FBXL8: variants seen among roughly 807,000 people sequenced by gnomAD.
The protein encoded by FBXL8 is F-box and leucine rich repeat protein 8.
Under a neutral mutation model 8.2 loss-of-function variants are expected in FBXL8, and 13 were observed. That is an observed-to-expected ratio of 1.58 (90% CI 1.03 to 2.51). FBXL8 has a LOEUF of 2.51. FBXL8 is among the 30% of genes most tolerant of loss of function. The probability of loss-of-function intolerance (pLI) is 0.00; values close to 1 mark genes in which losing one functional copy is unlikely to be tolerated. For synonymous variants in FBXL8, 271 were observed against 260.5 expected (o/e 1.04, Z -0.39); for missense variants, 565 against 540.4 (o/e 1.05, Z -0.45).
Position 67,163,442 on chromosome 16 carries a change from C to A in FBXL8, c.747C>A (p.His249Gln). The A allele has an allele frequency of 6.5e-7, 1 of 1,536,200 alleles. No homozygotes were observed. The highest frequency in any genetic ancestry group is 1.2e-5 in the South Asian group (1 of 84,578). The change falls in exon 3 of 3, where the codon CAC becomes CAA. Residue 249 changes from histidine (H) to glutamine (Q), a missense_variant. Physicochemically the swap from His to Gln is conservative, Grantham distance 24. Coordinates refer to ENST00000258200, the MANE Select transcript of FBXL8 (RefSeq NM_018378.3). Reference sequence around the variant, plus strand: ...CCTGGGTCGCGTTGCGCCGCCGCCACCCTGGGCTGGCAGTGGAGCTGGAGC... The same window carrying A: ...CCTGGGTCGCGTTGCGCCGCCGCCAACCTGGGCTGGCAGTGGAGCTGGAGC... ...NEAWVALRRRHPGLAVELELE... is the reference protein window; with the variant it reads ...NEAWVALRRRQPGLAVELELE...
At chr16:67,162,286 A>G (rs2030940935) in intron 2 of FBXL8, 4 of 420,054 alleles carry the variant, frequency 9.5e-6, no homozygotes, top group African/African-American at 8.0e-5. Context: ...CCGAGATGGC[A>G]CCACTGCACT....
chr16:67,163,987 C>T lies in FBXL8; in HGVS notation c.*167C>T. 1.0e-6 allele frequency: 1 copy of T among 988,556 alleles called. No individual in the cohort carries two copies. The highest frequency in any genetic ancestry group is 1.5e-6 in the Non-Finnish European group (1 of 648,804). The allele number at this position is 988,556 out of a possible 1,614,324, so 61.2% of individuals were successfully genotyped here. ...GGCATCGGGACCAGTCCTGGGCGCC[C>T]TGAGACCACTCGCTGCTCTCACCCT... On this transcript the variant is annotated 3_prime_UTR_variant, in exon 3 of 3. Coordinates refer to ENST00000258200, the MANE Select transcript of FBXL8 (RefSeq NM_018378.3).
Position 67,163,672 on chromosome 16 carries a change from G to T in FBXL8, c.977G>T (p.Arg326Leu), listed in dbSNP as rs756872680. Residue 326 changes from arginine to leucine, a missense_variant, in exon 3 of 3, where the codon CGC becomes CTC. By Grantham distance (102) the Arg-to-Leu change is moderately radical. Transcript: ENST00000258200. ...LNAALEELAA[R>L]CAALREVHCF... ...GCCGCGCTGGAGGAGCTGGCGGCGC[G>T]CTGCGCGGCCCTGCGCGAGGTGCAT... 5 of 1,576,324 alleles carry T rather than the reference G, an allele frequency of 3.2e-6. No individual in the cohort carries two copies. In the Admixed American group the frequency reaches 7.0e-5, roughly 22 times the overall value.
Position 67,163,000 on chromosome 16 carries a change from G to C in FBXL8, c.305G>C (p.Gly102Ala). ...LLMVLAGRAP[G>A]LRGLRLECRG... The stretch of plus-strand genomic sequence containing the variant: ...ATGGTTCTGGCGGGCCGTGCCCCGG[G>C]GCTGCGAGGCCTGCGCCTGGAGTGC... The change falls in exon 3 of 3, where the codon GGG (glycine) becomes GCG (alanine). Residue 102 changes from glycine to alanine, a missense_variant. Gly to Ala is a moderately conservative substitution (Grantham distance 60). Transcript: ENST00000258200. The C allele has an allele frequency of 1.3e-6, 2 of 1,555,502 alleles. No homozygotes were observed. Among genetic ancestry groups the C allele is most frequent in the Non-Finnish European group, 8.7e-7 (1 of 1,149,730 alleles).
Position 67,161,046 on chromosome 16 carries a change from G to C in FBXL8, c.-51-689G>C, listed in dbSNP as rs1443152056. 5 of 153,342 alleles carry C rather than the reference G, an allele frequency of 3.3e-5. No homozygotes were observed. In the East Asian group the frequency reaches 9.2e-4, roughly 28 times the overall value. 9.5% of individuals were successfully genotyped at this position (153,342 alleles called of 1,614,324 possible). On this transcript the variant is annotated intron_variant, in intron 1 of 2. Transcript: ENST00000258200. The stretch of plus-strand genomic sequence containing the variant: ...TCCAGCTTTGCCCCGCCCACGCCTC[G>C]CTTCCTGATTGGCTCATGGTCCCTG...
At chr16:67,162,781 G>A in intron 2 of FBXL8, 67 bp from the exon 3 acceptor site, 8 of 1,546,758 alleles carry the variant, frequency 5.2e-6, no homozygotes, top group Non-Finnish European at 7.0e-6. Flanking sequence ...GCTAAGGGGT[G>A]GGTAGAGGCT....
chr16:67,162,030 T>C (rs2065186332), intron 2 of FBXL8, 93 bp downstream of exon 2: 7 of 1,407,754 alleles, frequency 5.0e-6, no homozygotes, highest in Non-Finnish European at 6.5e-6. Flanking sequence ...GACTCCCCCA[T>C]ATTAAAAAAT....
intron 2 of FBXL8, 91 bp downstream of exon 2, chr16:67,162,028 C>T: frequency 1.4e-6 from 2 of 1,413,000 alleles, no homozygotes; most frequent in Non-Finnish European, 1.9e-6. Context: ...TTGACTCCCC[C>T]ATATTAAAAA....
rs1379776528 is a variant in FBXL8, at chr16:67,162,964, T to A, written c.269T>A (p.Ile90Asn). 3 of 1,561,262 alleles carry A rather than the reference T, an allele frequency of 1.9e-6. No homozygotes were observed. The highest frequency in any genetic ancestry group is 1.7e-6 in the Non-Finnish European group (2 of 1,152,594). The change falls in exon 3 of 3, where the codon ATC becomes AAC. Residue 90 changes from isoleucine to asparagine, a missense_variant. Transcript: ENST00000258200. ...PSRKPSRRAA[I>N]ELLMVLAGRA... ...AGGAAGCCGAGCCGCCGGGCGGCCA[T>A]CGAGCTGCTGATGGTTCTGGCGGGC...
Position 67,161,728 on chromosome 16 carries a change from T to C in FBXL8, c.-51-7T>C, listed in dbSNP as rs2030910060. The C allele has an allele frequency of 6.7e-7, 1 of 1,492,192 alleles. No homozygotes were observed. Among genetic ancestry groups the C allele is most frequent in the African/African-American group, 1.4e-5 (1 of 71,272 alleles). The allele number at this position is 1,492,192 out of a possible 1,614,324, so 92.4% of individuals were successfully genotyped here. On this transcript the variant is annotated splice_region_variant and splice_polypyrimidine_tract_variant and intron_variant, in intron 1 of 2. Transcript: ENST00000258200. ...TCCCGACCTCAGAGACGTCCGTCTC[T>C]CTCCAGGCCGGAGCTATTGGGAGTG...
rs1380995181 is a variant in FBXL8 at position 67,161,834 on chromosome 16, T to G, written c.49T>G (p.Phe17Val). Residue 17 changes from phenylalanine (F) to valine (V), a missense_variant, in exon 2 of 3, where the codon TTC becomes GTC. By Grantham distance (50) the Phe-to-Val change is conservative. Coordinates refer to ENST00000258200, the MANE Select transcript of FBXL8 (RefSeq NM_018378.3). ...GLPEEVLALI[F>V]RHLSLRDRAA... ...GCCAGAGGAGGTGCTGGCACTCATCTTCCGCCACCTGTCCCTGAGAGACCG... is the reference window on the plus strand; with the variant it reads ...GCCAGAGGAGGTGCTGGCACTCATCGTCCGCCACCTGTCCCTGAGAGACCG... 6.2e-7 allele frequency: 1 copy of G among 1,610,524 alleles called. No individual in the cohort carries two copies. Among genetic ancestry groups the G allele is most frequent in the Non-Finnish European group, 8.5e-7 (1 of 1,178,732 alleles).
In FBXL8 at chr16:67,163,688, C is replaced by T; in HGVS notation, c.993C>T (p.Arg331=). 1 of 1,588,500 alleles carries T rather than the reference C, an allele frequency of 6.3e-7. No individual in the cohort carries two copies. Among genetic ancestry groups the T allele is most frequent in the Non-Finnish European group, 8.5e-7 (1 of 1,175,096 alleles). ...TGGCGGCGCGCTGCGCGGCCCTGCG[C>T]GAGGTGCATTGTTTCTGCGTGGTGA... ...EELAARCAAL[R]EVHCFCVVSH... Residue 331 remains arginine (R), a synonymous_variant, in exon 3 of 3, where the codon CGC becomes CGT. Coordinates refer to ENST00000258200, the MANE Select transcript of FBXL8 (RefSeq NM_018378.3).
chr16:67,161,584 T>C, intron 1 of FBXL8, 151 bp from the exon 2 acceptor site: 1 of 523,828 alleles, frequency 1.9e-6, no homozygotes, highest in Admixed American at 4.0e-5. Flanking sequence ...CGGTGAAATC[T>C]GCTTTGTGAA....
chr16:67,161,059 C>T (rs1161045025), intron 1 of FBXL8: 1 of 153,644 alleles, frequency 6.5e-6, no homozygotes, highest in African/African-American at 2.4e-5. Context: ...TCCTGATTGG[C>T]TCATGGTCCC....
chr16:67,162,492 G>A (rs961495463), intron 2 of FBXL8: 4 of 669,560 alleles, frequency 6.0e-6, no homozygotes, highest in Non-Finnish European at 5.5e-6. Flanking sequence ...GAGGCAAAGA[G>A]ACTTAATCAC....
chr16:67,160,716 A>C (rs571439815), intron 1 of FBXL8, among the ~76,000 whole-genome samples: 5 of 152,202 alleles, frequency 3.3e-5, no homozygotes, highest in Non-Finnish European at 5.9e-5. Flanking sequence ...GTCTCAAAAC[A>C]AAACAAAACA....
Position 67,163,595 on chromosome 16 carries a change from C to A in FBXL8, c.900C>A (p.Ala300=). 1 of 1,576,906 alleles carries A rather than the reference C, an allele frequency of 6.3e-7. No individual in the cohort carries two copies. Residue 300 remains alanine (A), a synonymous_variant, in exon 3 of 3, where the codon GCC becomes GCA. Coordinates refer to ENST00000258200, the MANE Select transcript of FBXL8 (RefSeq NM_018378.3). ...GPVRFAAHHY[A]ATLCALEVRA... ...TGCGCTTCGCAGCACACCACTACGC[C>A]GCAACCCTGTGCGCGCTCGAGGTGC...
rs2031041952 is a variant in FBXL8 at position 67,163,829 on chromosome 16, C to G, written c.*9C>G. 6.5e-7 allele frequency: 1 copy of G among 1,535,486 alleles called. No individual in the cohort carries two copies. Among genetic ancestry groups the G allele is most frequent in the Non-Finnish European group, 8.7e-7 (1 of 1,148,588 alleles). ...CTACGCTCGTGGCGTGATTGGGCGA[C>G]TTCTCTCCCCCGTCCCCGTGGACGT... On this transcript the variant is annotated 3_prime_UTR_variant, in exon 3 of 3. Transcript: ENST00000258200.
rs145084633 is a variant in FBXL8, at chr16:67,163,252, T to A, written c.557T>A (p.Leu186Gln). ...GTGGGTCCCGGCTCAGTGCTCGAGC[T>A]ACTGGAGGCCTGCCCGCGCCTGCGC... ...GSVGPGSVLE[L>Q]LEACPRLRAL... The change falls in exon 3 of 3, where the codon CTA becomes CAA. Residue 186 changes from leucine to glutamine, a missense_variant. Transcript: ENST00000258200. The A allele has an allele frequency of 1.5e-5, 23 of 1,567,040 alleles. No individual in the cohort carries two copies. In the African/African-American group the frequency reaches 3.0e-4, roughly 20 times the overall value.
Sources: allele counts gnomAD v4.1 joint callset (sites outside exome capture counted in the v4.1 genomes callset), GRCh38; gene constraint gnomAD v4.1.1; transcripts MANE v1.5; gene names NCBI Gene and HGNC (gene_info 2026-07-23, HGNC 2026-07-21).